CCDC148: variants seen among roughly 807,000 people sequenced by gnomAD.
CCDC148 encodes coiled-coil domain-containing protein 148.
In CCDC148, 89 loss-of-function variants were observed where a neutral mutation model predicts 85.7. That is an observed-to-expected ratio of 1.04 (90% CI 0.87 to 1.24). CCDC148 has a LOEUF of 1.24. Ranked by LOEUF, CCDC148 falls within the 50% of genes most tolerant of loss-of-function variation. The probability of loss-of-function intolerance (pLI) is 0.00; values close to 1 mark genes in which losing one functional copy is unlikely to be tolerated. For synonymous variants in CCDC148, 230 were observed against 213.9 expected, an observed-to-expected ratio of 1.08 and a Z score of -0.66; for missense variants, 692 against 671.7, an observed-to-expected ratio of 1.03 and a Z score of -0.33.
At position 158,309,487 on chromosome 2, in the gene CCDC148, C is replaced by G. The variant is rs1432359798; in HGVS notation, c.1056G>C (p.Met352Ile). 6.2e-7 allele frequency: 1 copy of G among 1,614,098 alleles called. No individual in the cohort carries two copies. The highest frequency in any genetic ancestry group is 1.3e-5 in the African/African-American group (1 of 74,950). The stretch of plus-strand genomic sequence containing the variant: ...GTTGCTTTTTCTTGTCCTTAGCCAA[C>G]ATGCTCTCCATTTCATGTGTTGCAC... ...EACATHEMES[M>I]LAKDKKKQQE... The change falls in exon 9 of 14, where the codon ATG becomes ATC. Residue 352 changes from methionine to isoleucine, a missense_variant. Physicochemically the swap from Met to Ile is conservative, Grantham distance 10 (BLOSUM62 1). Transcript: ENST00000283233.
At chr2:158,218,363 C>A (rs1686999588) in intron 11 of CCDC148, among the ~76,000 whole-genome samples, 1 of 152,204 alleles carries the variant, frequency 6.6e-6, no homozygotes, top group Non-Finnish European at 1.5e-5. Flanking sequence ...AAACCTTGGT[C>A]TCCTGGCTCC....
intron 1 of CCDC148, among the ~76,000 whole-genome samples, chr2:158,437,307 A>G (rs1385991349): frequency 1.3e-5 from 2 of 152,218 alleles, no homozygotes; most frequent in Non-Finnish European, 2.9e-5. Context: ...TCCCTGGGAT[A>G]CAAGGCTGGT....
At chr2:158,203,416 T>A (rs1055133689) in intron 11 of CCDC148, among the ~76,000 whole-genome samples, 4 of 152,196 alleles carry the variant, frequency 2.6e-5, no homozygotes, top group Non-Finnish European at 4.4e-5. Flanking sequence ...TTGGGCATCA[T>A]CACGGTGGTG....
intron 7 of CCDC148, among the ~76,000 whole-genome samples, chr2:158,318,021 C>T (rs564950298): frequency 1.8e-4 from 28 of 152,310 alleles, no homozygotes; most frequent in African/African-American, 6.3e-4. Flanking sequence ...TGTCTGGCTG[C>T]ATCGGGTCTG....
chr2:158,214,272 T>G (rs1047274450), intron 11 of CCDC148, among the ~76,000 whole-genome samples: 1 of 152,184 alleles, frequency 6.6e-6, no homozygotes, highest in Non-Finnish European at 1.5e-5. Context: ...GCTATCCAGT[T>G]TGCTCACCAA....
At position 158,350,989 on chromosome 2, in the gene CCDC148, C is replaced by T. The variant is rs114092005; in HGVS notation, c.148-5671G>A. On this transcript the variant is annotated intron_variant, in intron 2 of 13. Transcript: ENST00000283233. ...TGCAATAGAACACCAGAACTGATTCCTCCTATCTCATTGTAACTTCATACT... is the reference window on the plus strand; with the variant it reads ...TGCAATAGAACACCAGAACTGATTCTTCCTATCTCATTGTAACTTCATACT... Among the ~76,000 whole-genome samples the T allele has an allele frequency of 4.3e-4, 66 of 152,178 alleles. 1 individual carries two copies. The highest frequency in any genetic ancestry group is 1.2e-3 in the Admixed American group (19 of 15,294).
intron 9 of CCDC148, among the ~76,000 whole-genome samples, chr2:158,259,844 C>T (rs1221458835): frequency 3.9e-5 from 6 of 151,928 alleles, no homozygotes; most frequent in African/African-American, 2.4e-5. Context: ...TGCTTATCTC[C>T]ATCCCAGGCC....
chr2:158,349,822 T>C lies in CCDC148; in HGVS notation c.148-4504A>G, dbSNP rs369102967. ...AATGATGAAGTACCTAGGACACATTTTGTTCTCACTAACTGAAATTCAAAA... is the reference window on the plus strand; with the variant it reads ...AATGATGAAGTACCTAGGACACATTCTGTTCTCACTAACTGAAATTCAAAA... On this transcript the variant is annotated intron_variant, in intron 2 of 13. Coordinates refer to ENST00000283233, the MANE Select transcript of CCDC148 (RefSeq NM_138803.4). Among the ~76,000 whole-genome samples, 12 of 152,282 alleles carry C rather than the reference T, an allele frequency of 7.9e-5. No homozygotes were observed. In the South Asian group the frequency reaches 2.1e-3, roughly 26 times the overall value.
intron 10 of CCDC148, among the ~76,000 whole-genome samples, chr2:158,222,705 G>T (rs1687253530): frequency 6.6e-6 from 1 of 152,142 alleles, no homozygotes; most frequent in South Asian, 2.1e-4. Context: ...AGGCCATTAT[G>T]ATATGTACAA....
intron 10 of CCDC148, among the ~76,000 whole-genome samples, chr2:158,242,619 C>T (rs1688395824): frequency 7.1e-6 from 1 of 141,836 alleles, no homozygotes; most frequent in Non-Finnish European, 1.5e-5. Context: ...TCCACATCTG[C>T]TACCCACTCT....
chr2:158,439,290 G>A (rs113229432), intron 1 of CCDC148, among the ~76,000 whole-genome samples: 41 of 152,272 alleles, frequency 2.7e-4, no homozygotes, highest in African/African-American at 9.6e-4. Context: ...GGAATACTAT[G>A]CAGCCATAAA....
intron 11 of CCDC148, among the ~76,000 whole-genome samples, chr2:158,189,853 C>T (rs1685335724): frequency 6.6e-6 from 1 of 151,800 alleles, no homozygotes; most frequent in Non-Finnish European, 1.5e-5. Flanking sequence ...TCCTGTGTAT[C>T]CCCAAGAACT....
At chr2:158,433,032 G>A (rs1397760915) in intron 1 of CCDC148, among the ~76,000 whole-genome samples, 2 of 138,736 alleles carry the variant, frequency 1.4e-5, no homozygotes, top group African/African-American at 5.3e-5. Context: ...CAGCTCAGGA[G>A]TATGAGACCA....
intron 1 of CCDC148, among the ~76,000 whole-genome samples, chr2:158,402,390 T>C (rs1041286822): frequency 6.6e-6 from 1 of 151,608 alleles, no homozygotes; most frequent in African/African-American, 2.4e-5. Context: ...TTGTTCTTTG[T>C]TCGTAATGCA....
chr2:158,233,560 A>T (rs1265007803), intron 10 of CCDC148, among the ~76,000 whole-genome samples: 1 of 151,810 alleles, frequency 6.6e-6, no homozygotes, highest in East Asian at 1.9e-4. Context: ...GAAAAAGAAT[A>T]TAGAAAGATA....
intron 11 of CCDC148, among the ~76,000 whole-genome samples, chr2:158,212,770 A>T (rs1383076852): frequency 6.6e-6 from 1 of 152,206 alleles, no homozygotes; most frequent in Non-Finnish European, 1.5e-5. Flanking sequence ...TTAGAAAAAT[A>T]ACACGCAAAA....
chr2:158,417,478 T>TGGGGG (rs1389728073), intron 1 of CCDC148, among the ~76,000 whole-genome samples: 1 of 152,226 alleles, frequency 6.6e-6, no homozygotes, highest in Non-Finnish European at 1.5e-5. Flanking sequence ...TAATGGTGCT[T>TGGGGG]GTACCTTTCT....
intron 11 of CCDC148, among the ~76,000 whole-genome samples, chr2:158,193,472 G>C (rs934372855): frequency 6.6e-6 from 1 of 151,930 alleles, no homozygotes; most frequent in Admixed American, 6.6e-5. Context: ...TGCACCAAAA[G>C]CTCACAGTAT....
chr2:158,185,686 C>T (rs191981483), intron 11 of CCDC148, among the ~76,000 whole-genome samples: 4 of 152,128 alleles, frequency 2.6e-5, no homozygotes, highest in East Asian at 1.9e-4. Context: ...TAGCTCATTC[C>T]CCAAACTAAT....
Sources: allele counts gnomAD v4.1 joint callset (sites outside exome capture counted in the v4.1 genomes callset), GRCh38; gene constraint gnomAD v4.1.1; transcripts MANE v1.5; gene names NCBI Gene and HGNC (gene_info 2026-07-23, HGNC 2026-07-21).